The following ARMH3 variants were observed in gnomAD, a reference collection of about 807,000 sequenced individuals.
ARMH3 encodes armadillo like helical domain containing 3.
Under a neutral mutation model 99.1 loss-of-function variants are expected in ARMH3, and 60 were observed. The ratio of observed to expected loss-of-function variants is 0.61; its 90% CI spans 0.49 to 0.75. The LOEUF is 0.75. ARMH3 is among the 30% of genes least tolerant of loss of function. ARMH3 has a pLI of 0.00. For synonymous variants in ARMH3, 285 were observed against 292.8 expected, an observed-to-expected ratio of 0.97 and a Z score of 0.27; for missense variants, 679 against 843.1, an observed-to-expected ratio of 0.81 and a Z score of 2.41.
chr10:101,956,436 C>T (rs1397753246), intron 22 of ARMH3, among the ~76,000 whole-genome samples, 161 bp downstream of exon 22: 3 of 152,094 alleles, frequency 2.0e-5, no homozygotes, highest in Non-Finnish European at 4.4e-5. Flanking sequence ...GCAAAAAGGC[C>T]CACATGTACC....
intron 2 of ARMH3, 91 bp from the exon 3 acceptor site, chr10:102,033,430 T>A (rs1400310845): frequency 5.0e-6 from 7 of 1,406,030 alleles, no homozygotes; most frequent in Non-Finnish European, 6.8e-6. Context: ...TTTTCTTTTT[T>A]TTTTTTTGAG....
chr10:102,016,128 C>G (rs1302616422), intron 8 of ARMH3, among the ~76,000 whole-genome samples: 5 of 152,172 alleles, frequency 3.3e-5, no homozygotes, highest in Non-Finnish European at 7.3e-5. Context: ...GAGTGAGACC[C>G]TGTCTCGATC....
At chr10:101,854,465 G>A (rs1263338852) in intron 24 of ARMH3, among the ~76,000 whole-genome samples, 1 of 152,148 alleles carries the variant, frequency 6.6e-6, no homozygotes, top group African/African-American at 2.4e-5. Context: ...ATGTGCGTAA[G>A]TGATTCTTCA....
intron 23 of ARMH3, among the ~76,000 whole-genome samples, chr10:101,902,901 G>A (rs1481523275): frequency 6.6e-6 from 1 of 152,140 alleles, no homozygotes; most frequent in African/African-American, 2.4e-5. Flanking sequence ...TTAGGGGAGA[G>A]TCGATGAGAT....
chr10:101,940,715 TCTGACTTAACTGTTTGAC>T (rs1844203108), intron 22 of ARMH3, among the ~76,000 whole-genome samples: 1 of 152,174 alleles, frequency 6.6e-6, no homozygotes, highest in African/African-American at 2.4e-5. Flanking sequence ...TTTTTGCTCC[TCTGACTTAACTGTTTGAC>T]CTGCAAAATG....
At chr10:102,040,689 A>C (rs1185110375) in intron 1 of ARMH3, among the ~76,000 whole-genome samples, 2 of 152,166 alleles carry the variant, frequency 1.3e-5, no homozygotes, top group Non-Finnish European at 2.9e-5. Context: ...AAGCAGATCC[A>C]AAACCAAACA....
Position 102,023,698 on chromosome 10 carries a change from T to G in ARMH3, c.559A>C (p.Ser187Arg). 1 of 1,614,152 alleles carries G rather than the reference T, an allele frequency of 6.2e-7. No homozygotes were observed. Among genetic ancestry groups the G allele is most frequent in the Non-Finnish European group, 8.5e-7 (1 of 1,179,994 alleles). Residue 187 changes from serine to arginine, a missense_variant, in exon 7 of 26, where the codon AGC becomes CGC. Around this residue, in one of 3 missense-constraint regions of ARMH3, gnomAD observed 280 missense variants for 354.6 expected, o/e 0.79. Transcript: ENST00000370033. ...ACCTGTAAAATTGCTTCAAATATGC[T>G]GTTGATCATTACATACTCGAGAATA... ...NTILEYVMIN[S>R]IFEAILQILS... is the part of the protein sequence containing the mutation.
At chr10:101,907,616 T>G (rs1842690811) in intron 23 of ARMH3, among the ~76,000 whole-genome samples, 1 of 152,130 alleles carries the variant, frequency 6.6e-6, no homozygotes, top group Non-Finnish European at 1.5e-5. Flanking sequence ...ACTCCTGACC[T>G]CAAATGATCC....
chr10:101,851,930 C>G (rs771877343), intron 24 of ARMH3, among the ~76,000 whole-genome samples: 1 of 152,228 alleles, frequency 6.6e-6, no homozygotes, highest in African/African-American at 2.4e-5. Context: ...ACAAAGTAAT[C>G]TGGTCCTCTC....
chr10:101,913,871 A>G (rs1220490674), intron 23 of ARMH3, among the ~76,000 whole-genome samples: 10 of 152,240 alleles, frequency 6.6e-5, no homozygotes, highest in Non-Finnish European at 1.3e-4. Context: ...GCTTTTCAAA[A>G]GAGCTATAAT....
Position 101,949,241 on chromosome 10 carries a change from T to A in ARMH3, c.1705+7356A>T, listed in dbSNP as rs945930724. On this transcript the variant is annotated intron_variant, in intron 22 of 25. Transcript: ENST00000370033. ...AGCAATAAGAAGAAAATAAAGAGCA[T>A]AAATCAATAAAACAGAAAAATGGCA... is the stretch of plus-strand genomic sequence containing the variant. Among the ~76,000 whole-genome samples the A allele has an allele frequency of 2.7e-5, 4 of 148,400 alleles. No homozygotes were observed. The South Asian group carries it at 6.4e-4, about 24-fold the overall frequency.
At chr10:101,909,464 T>TTTTA (rs1491105626) in intron 23 of ARMH3, among the ~76,000 whole-genome samples, 1 of 17,866 alleles carries the variant, frequency 5.6e-5, no homozygotes, top group Non-Finnish European at 8.9e-5. Flanking sequence ...AAGCTTCCTC[T>TTTTA]TTTTTTTTTT....
intron 23 of ARMH3, among the ~76,000 whole-genome samples, chr10:101,936,316 A>G (rs1384293634): frequency 1.3e-5 from 2 of 151,902 alleles, no homozygotes; most frequent in African/African-American, 4.8e-5. Context: ...ACATGGTGAA[A>G]CCCCATCTCT....
At chr10:102,005,816 G>T (rs1590170520) in intron 14 of ARMH3, among the ~76,000 whole-genome samples, 1 of 152,244 alleles carries the variant, frequency 6.6e-6, no homozygotes, top group East Asian at 1.9e-4. Context: ...TTATGAAGGG[G>T]AAATTTTCAC....
chr10:101,956,504 C>T, intron 22 of ARMH3, 93 bp downstream of exon 22: 1 of 1,491,758 alleles, frequency 6.7e-7, no homozygotes, highest in Non-Finnish European at 9.1e-7. Flanking sequence ...GGGCACCAAA[C>T]AACTAGAGGA....
intron 23 of ARMH3, among the ~76,000 whole-genome samples, chr10:101,924,493 C>G (rs1843427703): frequency 6.6e-6 from 1 of 151,080 alleles, no homozygotes; most frequent in African/African-American, 2.4e-5. Context: ...TCCCAAGTAG[C>G]TGGGACTACA....
At chr10:102,047,032 C>G (rs1183353412) in intron 1 of ARMH3, among the ~76,000 whole-genome samples, 2 of 152,094 alleles carry the variant, frequency 1.3e-5, no homozygotes, top group East Asian at 3.8e-4. Flanking sequence ...TAAAGTGAAA[C>G]AGACAGAAAT....
chr10:101,977,316 A>T (rs1846055848), intron 19 of ARMH3, among the ~76,000 whole-genome samples: 1 of 152,154 alleles, frequency 6.6e-6, no homozygotes, highest in Non-Finnish European at 1.5e-5. Flanking sequence ...CCTACCAAAA[A>T]CATTTTTTTC....
intron 1 of ARMH3, among the ~76,000 whole-genome samples, chr10:102,048,078 A>G (rs1247349412): frequency 6.6e-6 from 1 of 152,250 alleles, no homozygotes; most frequent in Non-Finnish European, 1.5e-5. Flanking sequence ...AGAAGTACTC[A>G]TCCCAGCCTT....
Sources: gnomAD v4.1 joint callset for allele counts (sites outside exome capture counted in the v4.1 genomes callset) on GRCh38, gnomAD v4.1.1 for gene constraint, gnomAD v4.1.1 regional missense constraint, MANE v1.5 for transcripts, NCBI Gene and HGNC (gene_info 2026-07-23, HGNC 2026-07-21) for gene names.